Variants in RIMBP2 observed in about 807,000 individuals in gnomAD.
The protein encoded by RIMBP2 is RIMS binding protein 2.
A neutral mutation model predicts 118.6 loss-of-function variants in RIMBP2; 48 were observed. The ratio of observed to expected loss-of-function variants is 0.40; its 90% confidence interval spans 0.32 to 0.51. The LOEUF (loss-of-function observed/expected upper bound fraction) is 0.51, where lower values mean the gene tolerates loss of function less well. Ranked by LOEUF, RIMBP2 falls within the 20% of genes least tolerant of loss-of-function variation. The probability of loss-of-function intolerance (pLI) is 0.41; values close to 1 mark genes in which losing one functional copy is unlikely to be tolerated. For missense variants in RIMBP2, 1,551 were observed against 1,768.3 expected, an observed-to-expected ratio of 0.88 and a Z score of 2.20; for synonymous variants, 762 against 742.9, an observed-to-expected ratio of 1.03 and a Z score of -0.42.
At position 130,644,099 on chromosome 12, in the gene RIMBP2, A is replaced by G. The variant is rs976251762; in HGVS notation, c.-351-15643T>C. On this transcript the variant is annotated intron_variant, in intron 1 of 22. Transcript: ENST00000690449. Reference sequence around the variant, plus strand: ...GTGCTCACCAACAGTCCTGATGGACATGAAGGATTCCGCTCTCACTGGCAG... The same window carrying G: ...GTGCTCACCAACAGTCCTGATGGACGTGAAGGATTCCGCTCTCACTGGCAG... Among the ~76,000 whole-genome samples the G allele has an allele frequency of 1.1e-4, 16 of 152,336 alleles. No individual in the cohort carries two copies. In the East Asian group the frequency reaches 3.1e-3, roughly 29 times the overall value.
chr12:130,533,893 C>T (rs1363603625), intron 2 of RIMBP2, among the ~76,000 whole-genome samples: 10 of 152,038 alleles, frequency 6.6e-5, no homozygotes, highest in South Asian at 2.1e-4. Context: ...AGGCTGGGTG[C>T]GGTGGCTCAT....
rs1454053379 is a variant in RIMBP2 at position 130,617,955 on chromosome 12, G to A, written c.-217+10367C>T. Among the ~76,000 whole-genome samples, 1 of 139,780 alleles carries A rather than the reference G, an allele frequency of 7.2e-6. No individual in the cohort carries two copies. Among genetic ancestry groups the A allele is most frequent in the Admixed American group, 7.8e-5 (1 of 12,756 alleles). 91.7% of individuals were successfully genotyped at this position (139,780 alleles called of 152,430 possible). A position where few individuals can be genotyped will look rare whatever the true frequency, so the allele number is the denominator to read the frequency against. ...GCCTGTAATCCCAGTACCTTGGGAC[G>A]CTGAGGCGGGAGGATCACTTGAGCC... On this transcript the variant is annotated intron_variant, in intron 2 of 22. Coordinates refer to ENST00000690449, the MANE Select transcript of RIMBP2 (RefSeq NM_001393629.1). The surrounding 1 kb of genome is among the most constrained non-coding windows in gnomAD (Gnocchi z 4.6).
rs1457757599 is a variant in RIMBP2, at chr12:130,649,144, G to A, written c.-351-20688C>T. On this transcript the variant is annotated intron_variant, in intron 1 of 22. Coordinates refer to ENST00000690449, the MANE Select transcript of RIMBP2 (RefSeq NM_001393629.1). ...GGTGGGTATGGAGGTGGGTACGGAG[G>A]TGGCAGGAGGAAGCTATGGACAAGA... 1.6e-4 allele frequency among the ~76,000 whole-genome samples: 24 copies of A among 146,058 alleles called. 1 individual carries two copies. The highest frequency in any genetic ancestry group is 5.6e-4 in the African/African-American group (23 of 40,912).
chr12:130,581,315 C>T lies in RIMBP2; in HGVS notation c.-217+47007G>A, dbSNP rs1032746405. ...TGGATCTGGTGAGCTGAAGCCCACA[C>T]AGGGGCCCCATCTGCTCCAGCAATG... On this transcript the variant is annotated intron_variant, in intron 2 of 22. Coordinates refer to ENST00000690449, the MANE Select transcript of RIMBP2 (RefSeq NM_001393629.1). The surrounding 1 kb of genome is among the most constrained non-coding windows in gnomAD (Gnocchi z 4.4). Among the ~76,000 whole-genome samples the T allele has an allele frequency of 6.6e-6, 1 of 152,100 alleles. No homozygotes were observed. Among genetic ancestry groups the T allele is most frequent in the African/African-American group, 2.4e-5 (1 of 41,400 alleles).
chr12:130,508,972 C>T (rs950946747), intron 3 of RIMBP2, among the ~76,000 whole-genome samples: 5 of 152,158 alleles, frequency 3.3e-5, no homozygotes, highest in Admixed American at 6.5e-5. Flanking sequence ...CTGCACCCCC[C>T]GTACCATCCG....
At chr12:130,489,669 C>T (rs2048441717) in intron 4 of RIMBP2, among the ~76,000 whole-genome samples, 1 of 152,178 alleles carries the variant, frequency 6.6e-6, no homozygotes, top group Non-Finnish European at 1.5e-5. Context: ...ATGCCAGGTT[C>T]ACAATGCAGC....
intron 2 of RIMBP2, among the ~76,000 whole-genome samples, chr12:130,530,383 G>C (rs749908709): frequency 2.6e-5 from 4 of 152,108 alleles, no homozygotes; most frequent in Non-Finnish European, 5.9e-5. Context: ...ACTATACAAT[G>C]CATAGTAATT....
Position 130,622,404 on chromosome 12 carries a change from G to A in RIMBP2, c.-217+5918C>T, listed in dbSNP as rs1301660265. ...AGGAAACTACATATAACACAAAACT[G>A]TTGGTTAATTCACTAGTTATTTTGT... On this transcript the variant is annotated intron_variant, in intron 2 of 22. Coordinates refer to ENST00000690449, the MANE Select transcript of RIMBP2 (RefSeq NM_001393629.1). The surrounding 1 kb of genome is among the most constrained non-coding windows in gnomAD (Gnocchi z 8.5). Among the ~76,000 whole-genome samples the A allele has an allele frequency of 1.3e-5, 2 of 152,030 alleles. No individual in the cohort carries two copies. The highest frequency in any genetic ancestry group is 2.9e-5 in the Non-Finnish European group (2 of 67,996).
In RIMBP2 at chr12:130,671,481, G is replaced by A. The variant is rs763586090; in HGVS notation, c.-351-43025C>T. Among the ~76,000 whole-genome samples the A allele has an allele frequency of 5.4e-4, 82 of 152,114 alleles. 1 individual carries two copies. Among genetic ancestry groups the A allele is most frequent in the African/African-American group, 1.7e-3 (70 of 41,414 alleles). ...CTACGCCACCACTGGGATTTAAGCC[G>A]CATGAGAACAGGACCTTCTCCTAGT... On this transcript the variant is annotated intron_variant, in intron 1 of 22. Transcript: ENST00000690449.
rs557940127 is a variant in RIMBP2 at position 130,701,886 on chromosome 12, C to T, written c.-352+14336G>A. ...ACCCCTTCCCATAATGCTTCCTTCACCCCGCTGGAGGTACATGCAGCCCAC... is the reference window on the plus strand; with the variant it reads ...ACCCCTTCCCATAATGCTTCCTTCATCCCGCTGGAGGTACATGCAGCCCAC... On this transcript the variant is annotated intron_variant, in intron 1 of 22. Transcript: ENST00000690449. Among the ~76,000 whole-genome samples the T allele has an allele frequency of 3.1e-3, 473 of 152,208 alleles. 5 individuals carry two copies. The highest frequency in any genetic ancestry group is 0.011 in the African/African-American group (455 of 41,534).
intron 2 of RIMBP2, among the ~76,000 whole-genome samples, chr12:130,548,892 C>G (rs2055446805): frequency 6.6e-6 from 1 of 152,078 alleles, no homozygotes; most frequent in Non-Finnish European, 1.5e-5. Flanking sequence ...CAGCCTACCT[C>G]TTGGACTTTG....
At chr12:130,639,976 C>T (rs372876646) in intron 1 of RIMBP2, among the ~76,000 whole-genome samples, 2 of 152,146 alleles carry the variant, frequency 1.3e-5, no homozygotes, top group African/African-American at 2.4e-5. Flanking sequence ...AACTTCCTGG[C>T]GTTTCTGTTC....
At chr12:130,510,346 G>A (rs2050785070) in intron 3 of RIMBP2, among the ~76,000 whole-genome samples, 3 of 152,190 alleles carry the variant, frequency 2.0e-5, no homozygotes, top group Middle Eastern at 3.2e-3. Context: ...TAATGTTGGG[G>A]GAACGAATGG....
intron 4 of RIMBP2, among the ~76,000 whole-genome samples, chr12:130,483,543 C>T (rs993381790): frequency 1.3e-5 from 2 of 152,186 alleles, no homozygotes; most frequent in Non-Finnish European, 2.9e-5. Context: ...AAGGAAGCCC[C>T]CCACCAAGAT....
At chr12:130,580,028 CAA>C (rs55653381) in intron 2 of RIMBP2, among the ~76,000 whole-genome samples, 12,832 of 116,394 alleles carry the variant, frequency 0.11, 764 homozygotes, top group East Asian at 0.19. Context: ...ACCAAAAATA[CAA>C]AAAAAAAAAA....
intron 5 of RIMBP2, among the ~76,000 whole-genome samples, chr12:130,474,185 G>A (rs754381597): frequency 5.5e-4 from 83 of 152,136 alleles, no homozygotes; most frequent in Non-Finnish European, 1.0e-3. Flanking sequence ...AGTGGACCAC[G>A]GGCATGTTAG....
At chr12:130,399,915 G>A (rs2074368498) in intron 21 of RIMBP2, 102 bp from the exon 22 acceptor site, 3 of 1,294,570 alleles carry the variant, frequency 2.3e-6, no homozygotes, top group South Asian at 2.8e-5. Context: ...TACATGGTGA[G>A]TTTATTCTGG....
intron 10 of RIMBP2, 98 bp downstream of exon 10, chr12:130,445,062 G>A: frequency 1.3e-6 from 1 of 750,896 alleles, no homozygotes; most frequent in Non-Finnish European, 2.2e-6. Context: ...CCAGGAGTAT[G>A]TTGGGAGCCC....
At chr12:130,539,408 T>C (rs2054364204) in intron 2 of RIMBP2, among the ~76,000 whole-genome samples, 1 of 152,186 alleles carries the variant, frequency 6.6e-6, no homozygotes, top group African/African-American at 2.4e-5. Context: ...TGAGCAAAGA[T>C]GTGAAGGAAG....
Sources: allele counts gnomAD v4.1 joint callset (sites outside exome capture counted in the v4.1 genomes callset), GRCh38; gene constraint gnomAD v4.1.1; non-coding constraint Gnocchi (gnomAD v3.1); transcripts MANE v1.5; gene names NCBI Gene and HGNC (gene_info 2026-07-23, HGNC 2026-07-21).